The following LRRD1 variants were observed in gnomAD, a reference collection of about 807,000 sequenced individuals.
LRRD1 encodes leucine rich repeats and death domain containing 1.
In LRRD1, 49 loss-of-function variants were observed where a neutral mutation model predicts 69.5. The observed-to-expected ratio is 0.70, with a 90% CI of 0.56 to 0.89. The LOEUF is 0.89. Among genes scored for constraint, LRRD1 ranks in the 40% least tolerant of loss-of-function variants. The pLI, the probability that LRRD1 is intolerant of heterozygous loss-of-function variation, is 0.00. For synonymous variants in LRRD1, 303 were observed against 338.9 expected, an observed-to-expected ratio of 0.89 and a Z score of 1.16; for missense variants, 853 against 956.0, an observed-to-expected ratio of 0.89 and a Z score of 1.42.
At chr7:92,175,622 C>G (rs1032651949) in intron 1 of LRRD1, among the ~76,000 whole-genome samples, 2 of 152,088 alleles carry the variant, frequency 1.3e-5, no homozygotes, top group African/African-American at 2.4e-5. Flanking sequence ...GTACTCCAGC[C>G]TGGGCAACAA....
intron 2 of LRRD1, among the ~76,000 whole-genome samples, chr7:92,161,323 CAGG>C (rs1176095903): frequency 6.6e-6 from 1 of 152,240 alleles, no homozygotes; most frequent in Non-Finnish European, 1.5e-5. Flanking sequence ...TTCTTTTTGA[CAGG>C]AGTTCTTGTA....
chr7:92,175,762 G>T (rs549967213), intron 1 of LRRD1, among the ~76,000 whole-genome samples: 1 of 152,282 alleles, frequency 6.6e-6, no homozygotes, highest in African/African-American at 2.4e-5. Flanking sequence ...TTCACAATTA[G>T]GTTTTTAATC....
chr7:92,163,952 A>G lies in LRRD1; in HGVS notation c.1251T>C (p.Leu417=). Reference sequence around the variant, plus strand: ...TTACATGGAGTTTTCTTAAATTGTTAAGCTTATGGATGTACTTAGGGAGTT... The same window carrying G: ...TTACATGGAGTTTTCTTAAATTGTTGAGCTTATGGATGTACTTAGGGAGTT... ...LTELPKYIHK[L]NNLRKLHVNR... is the part of the protein sequence containing the mutation. The change falls in exon 2 of 6, where the codon CTT becomes CTC. Residue 417 remains leucine (L), a synonymous_variant. Transcript: ENST00000458448. 1 of 1,535,970 alleles carries G rather than the reference A, an allele frequency of 6.5e-7. No individual in the cohort carries two copies. Among genetic ancestry groups the G allele is most frequent in the Non-Finnish European group, 8.8e-7 (1 of 1,141,506 alleles).
intron 1 of LRRD1, among the ~76,000 whole-genome samples, chr7:92,165,771 G>A (rs1188736072): frequency 1.4e-5 from 2 of 144,918 alleles, no homozygotes; most frequent in African/African-American, 5.1e-5. Context: ...TGAGGCAGGA[G>A]AATTGCTTGA....
chr7:92,167,090 A>G (rs1189758371), intron 1 of LRRD1, among the ~76,000 whole-genome samples: 1 of 150,928 alleles, frequency 6.6e-6, no homozygotes, highest in Non-Finnish European at 1.5e-5. Flanking sequence ...ACACAAGTCA[A>G]TTTTCTTTCT....
intron 3 of LRRD1, among the ~76,000 whole-genome samples, chr7:92,153,603 G>A (rs1347583353): frequency 6.6e-6 from 1 of 151,410 alleles, no homozygotes. Context: ...GCCAAGGCGG[G>A]TGGATAACTT....
chr7:92,157,305 C>G (rs1788682026), intron 3 of LRRD1, among the ~76,000 whole-genome samples: 1 of 151,980 alleles, frequency 6.6e-6, no homozygotes, highest in Non-Finnish European at 1.5e-5. Flanking sequence ...CTTGCATTCC[C>G]AGGGTAAATC....
At chr7:92,142,925 G>C (rs960802134), downstream of LRRD1, 1 of 317,176 alleles carries the variant, frequency 3.2e-6, no homozygotes, top group Admixed American at 4.3e-5. Context: ...CAATGCTTCC[G>C]CAGTGTGGAA....
At chr7:92,152,958 G>T (rs1050590543) in intron 3 of LRRD1, among the ~76,000 whole-genome samples, 1 of 150,996 alleles carries the variant, frequency 6.6e-6, no homozygotes, top group African/African-American at 2.4e-5. Context: ...GTGAGCCACC[G>T]CGCCCAGCCT....
chr7:92,160,006 T>C (rs1408421580), intron 2 of LRRD1, among the ~76,000 whole-genome samples: 1 of 152,180 alleles, frequency 6.6e-6, no homozygotes, highest in African/African-American at 2.4e-5. Context: ...TTTGTATGTG[T>C]TTCCAAGCAC....
chr7:92,174,501 A>ATATATATATATATATG (rs1789135529), intron 1 of LRRD1, among the ~76,000 whole-genome samples: 1 of 20,036 alleles, frequency 5.0e-5, no homozygotes, highest in Non-Finnish European at 1.1e-4. Context: ...ATATATATAT[A>ATATATATATATATATG]TATATATATT....
intron 1 of LRRD1, among the ~76,000 whole-genome samples, chr7:92,171,010 A>G (rs1233731446): frequency 2.6e-5 from 4 of 152,250 alleles, no homozygotes; most frequent in Non-Finnish European, 5.9e-5. Flanking sequence ...GAAAATGGAA[A>G]TACAACATAC....
intron 4 of LRRD1, chr7:92,149,845 A>G (rs1820421603): frequency 4.5e-6 from 2 of 447,238 alleles, no homozygotes. Flanking sequence ...GAGCCACCAC[A>G]CGCAACTCCA....
intron 2 of LRRD1, among the ~76,000 whole-genome samples, chr7:92,160,718 C>T (rs1788778183): frequency 6.6e-6 from 1 of 152,096 alleles, no homozygotes; most frequent in Non-Finnish European, 1.5e-5. Flanking sequence ...GAGCCTGAGG[C>T]AGGAGAATCA....
In LRRD1 at chr7:92,174,891, G is replaced by A. The variant is rs527391837; in HGVS notation, c.-75+4116C>T. Among the ~76,000 whole-genome samples, 162 of 151,588 alleles carry A rather than the reference G, an allele frequency of 1.1e-3. 1 individual carries two copies. The highest frequency in any genetic ancestry group is 3.5e-3 in the African/African-American group (144 of 41,340). On this transcript the variant is annotated intron_variant, in intron 1 of 5. Coordinates refer to ENST00000458448, the MANE Select transcript of LRRD1 (RefSeq NM_001161528.2). ...AACCTGGCCAACATGGAGAAACCCC[G>A]TCTCTACTAAAAATAAAAATAAAAA...
chr7:92,158,241 G>A (rs1788709377), intron 3 of LRRD1, among the ~76,000 whole-genome samples: 1 of 152,062 alleles, frequency 6.6e-6, no homozygotes. Flanking sequence ...TATAATCCCA[G>A]CACTTTGGGA....
intron 3 of LRRD1, among the ~76,000 whole-genome samples, chr7:92,157,873 G>A (rs768879495): frequency 6.6e-6 from 1 of 151,468 alleles, no homozygotes; most frequent in African/African-American, 2.4e-5. Flanking sequence ...CACCATGCCC[G>A]GCCTAACTTA....
intron 3 of LRRD1, among the ~76,000 whole-genome samples, 165 bp downstream of exon 3, chr7:92,158,840 T>C (rs1788735552): frequency 6.6e-6 from 1 of 152,230 alleles, no homozygotes; most frequent in African/African-American, 2.4e-5. Flanking sequence ...CTGGACCTTA[T>C]ACTTTGCTTT....
downstream of LRRD1, chr7:92,141,965 CAG>C (rs1344547480): frequency 6.6e-6 from 1 of 150,546 alleles, no homozygotes; most frequent in African/African-American, 2.4e-5. Context: ...TTTTTTGAGA[CAG>C]AGTCTCGCTC....
Sources: allele counts gnomAD v4.1 joint callset (sites outside exome capture counted in the v4.1 genomes callset), GRCh38; gene constraint gnomAD v4.1.1; transcripts MANE v1.5; gene names NCBI Gene and HGNC (gene_info 2026-07-23, HGNC 2026-07-21).